Variants in MAP3K20 observed in about 807,000 individuals in gnomAD.
The protein encoded by MAP3K20 is mitogen-activated protein kinase kinase kinase 20.
In MAP3K20, 40 loss-of-function variants were observed where a neutral mutation model predicts 85.7. The observed-to-expected ratio is 0.47, with a 90% CI of 0.36 to 0.61. The LOEUF (loss-of-function observed/expected upper bound fraction) is 0.61, where lower values mean the gene tolerates loss of function less well. MAP3K20 is among the 20% of genes least tolerant of loss of function. MAP3K20 has a pLI of 0.00. For synonymous variants in MAP3K20, 325 were observed against 327.7 expected, an observed-to-expected ratio of 0.99 and a Z score of 0.09; for missense variants, 817 against 961.7, an observed-to-expected ratio of 0.85 and a Z score of 1.99.
chr2:173,115,150 C>T (rs942526520), intron 2 of MAP3K20, among the ~76,000 whole-genome samples: 1 of 152,092 alleles, frequency 6.6e-6, no homozygotes, highest in Admixed American at 6.6e-5. Flanking sequence ...AATTGGAAGA[C>T]CTTGTCTTCG....
chr2:173,188,184 C>G (rs1198689556), intron 5 of MAP3K20, among the ~76,000 whole-genome samples: 3 of 152,112 alleles, frequency 2.0e-5, no homozygotes, highest in Non-Finnish European at 4.4e-5. Context: ...TCTGTACTTT[C>G]TAAAGCTTAT....
At chr2:173,097,057 G>C (rs1450184131) in intron 2 of MAP3K20, among the ~76,000 whole-genome samples, 2 of 152,212 alleles carry the variant, frequency 1.3e-5, no homozygotes, top group African/African-American at 4.8e-5. Flanking sequence ...ACATGACAAA[G>C]AGTTCATCAG....
chr2:173,076,992 C>T (rs1686881647), intron 1 of MAP3K20, among the ~76,000 whole-genome samples: 1 of 152,214 alleles, frequency 6.6e-6, no homozygotes, highest in Non-Finnish European at 1.5e-5. Context: ...GCTTTGAGAT[C>T]GCGCATAAGT....
At chr2:173,178,331 T>C (rs1461716086) in intron 3 of MAP3K20, among the ~76,000 whole-genome samples, 1 of 152,198 alleles carries the variant, frequency 6.6e-6, no homozygotes, top group Non-Finnish European at 1.5e-5. Flanking sequence ...ACAGAAGATC[T>C]GAATAGACCT....
intron 16 of MAP3K20, among the ~76,000 whole-genome samples, chr2:173,243,422 T>G (rs1165192233): frequency 6.6e-6 from 1 of 152,134 alleles, no homozygotes; most frequent in African/African-American, 2.4e-5. Flanking sequence ...CAGGGAGCTC[T>G]TTCTTGGAAT....
intron 14 of MAP3K20, among the ~76,000 whole-genome samples, chr2:173,234,963 C>G (rs74911284): frequency 0.012 from 1,840 of 152,236 alleles, 24 homozygotes; most frequent in South Asian, 0.043. Context: ...ATAAGCACTG[C>G]AGTGTAGCAA....
intron 8 of MAP3K20, among the ~76,000 whole-genome samples, chr2:173,200,488 G>T (rs138274003): frequency 3.2e-4 from 48 of 152,260 alleles, no homozygotes; most frequent in African/African-American, 1.0e-3. Context: ...TTTAAATAAA[G>T]AAAGACATGT....
chr2:173,131,468 A>T (rs1688615955), intron 2 of MAP3K20, among the ~76,000 whole-genome samples: 1 of 152,236 alleles, frequency 6.6e-6, no homozygotes, highest in Non-Finnish European at 1.5e-5. Flanking sequence ...GATAGGAACC[A>T]TGAAACCAGT....
chr2:173,177,690 A>G (rs961226616), intron 3 of MAP3K20, among the ~76,000 whole-genome samples: 2 of 152,188 alleles, frequency 1.3e-5, no homozygotes, highest in Non-Finnish European at 2.9e-5. Flanking sequence ...TCAGCCTCCC[A>G]AAGTGTTGGG....
chr2:173,241,767 T>A (rs1230274430), intron 16 of MAP3K20, among the ~76,000 whole-genome samples: 1 of 152,236 alleles, frequency 6.6e-6, no homozygotes, highest in African/African-American at 2.4e-5. Context: ...ACCTGCTGAA[T>A]GAAAATCTTT....
intron 16 of MAP3K20, among the ~76,000 whole-genome samples, chr2:173,257,779 A>G (rs1685194096): frequency 6.6e-6 from 1 of 152,190 alleles, no homozygotes; most frequent in African/African-American, 2.4e-5. Context: ...CAATGTATTA[A>G]TATTAATATG....
chr2:173,182,897 C>A lies in MAP3K20; in HGVS notation c.291C>A (p.Asn97Lys). ...LGSLYDYINSNRSEEMDMDHI... is the reference protein window; with the variant it reads ...LGSLYDYINSKRSEEMDMDHI... Reference sequence around the variant, plus strand: ...CACTCTATGATTACATTAACAGTAACAGAAGTGAGGAGATGGATATGGATC... The same window carrying A: ...CACTCTATGATTACATTAACAGTAAAAGAAGTGAGGAGATGGATATGGATC... Residue 97 changes from asparagine (N) to lysine (K), a missense_variant, in exon 4 of 20, where the codon AAC becomes AAA. By Grantham distance (94) the Asn-to-Lys change is moderately conservative (BLOSUM62 0). Transcript: ENST00000375213. 6.2e-7 allele frequency: 1 copy of A among 1,609,712 alleles called. No individual in the cohort carries two copies. Among genetic ancestry groups the A allele is most frequent in the African/African-American group, 1.3e-5 (1 of 74,814 alleles).
At chr2:173,235,723 T>C (rs191411306) in intron 14 of MAP3K20, among the ~76,000 whole-genome samples, 206 of 152,288 alleles carry the variant, frequency 1.4e-3, no homozygotes, top group Admixed American at 2.4e-3. Flanking sequence ...ATGGTTAATT[T>C]TGTGGTATGT....
chr2:173,204,188 G>C (rs1683588332), intron 9 of MAP3K20, among the ~76,000 whole-genome samples: 1 of 152,144 alleles, frequency 6.6e-6, no homozygotes, highest in African/African-American at 2.4e-5. Flanking sequence ...ACAGTACTTA[G>C]AATATGCCAG....
chr2:173,140,500 A>C (rs1688939729), intron 2 of MAP3K20, among the ~76,000 whole-genome samples: 1 of 151,960 alleles, frequency 6.6e-6, no homozygotes. Context: ...AGAGGCATGC[A>C]CCACCACACC....
At chr2:173,141,589 A>T (rs532206415) in intron 2 of MAP3K20, among the ~76,000 whole-genome samples, 2 of 152,284 alleles carry the variant, frequency 1.3e-5, no homozygotes, top group Non-Finnish European at 2.9e-5. Context: ...TCAATCTAAT[A>T]TACATTAATG....
chr2:173,110,585 C>T (rs1296212343), intron 2 of MAP3K20, among the ~76,000 whole-genome samples: 2 of 151,870 alleles, frequency 1.3e-5, no homozygotes, highest in African/African-American at 4.8e-5. Flanking sequence ...CCTACTCTTT[C>T]CCCCAAATCC....
Position 173,191,169 on chromosome 2 carries a change from T to C in MAP3K20, c.574T>C (p.Tyr192His). Residue 192 changes from tyrosine to histidine, a missense_variant, in exon 7 of 20, where the codon TAT becomes CAT. By Grantham distance (83) the Tyr-to-His change is moderately conservative (BLOSUM62 2). Around this residue, in one of 4 missense-constraint regions of MAP3K20, gnomAD observed 200 missense variants for 302.7 expected, o/e 0.66. Coordinates refer to ENST00000375213, the MANE Select transcript of MAP3K20 (RefSeq NM_016653.3). The part of the protein sequence containing the change: ...PVSETCDTYS[Y>H]GVVLWEMLTR... ...GTCAGAAACTTGTGACACATATTCCTATGGTGTGGTGAGTTCATTTCTCAT... is the reference window on the plus strand; with the variant it reads ...GTCAGAAACTTGTGACACATATTCCCATGGTGTGGTGAGTTCATTTCTCAT... 1 of 1,613,716 alleles carries C rather than the reference T, an allele frequency of 6.2e-7. No homozygotes were observed. Among genetic ancestry groups the C allele is most frequent in the Non-Finnish European group, 8.5e-7 (1 of 1,179,854 alleles).
intron 1 of MAP3K20, among the ~76,000 whole-genome samples, chr2:173,077,213 CTTCT>C (rs1686888439): frequency 6.6e-6 from 1 of 152,024 alleles, no homozygotes; most frequent in African/African-American, 2.4e-5. Context: ...TTGGAAGAGC[CTTCT>C]TGCTTCCTCG....
Sources: gnomAD v4.1 joint callset for allele counts (sites outside exome capture counted in the v4.1 genomes callset) on GRCh38, gnomAD v4.1.1 for gene constraint, gnomAD v4.1.1 regional missense constraint, MANE v1.5 for transcripts, NCBI Gene and HGNC (gene_info 2026-07-23, HGNC 2026-07-21) for gene names.